Variants in SIK2 observed in about 807,000 individuals in gnomAD.
SIK2 encodes the protein serine/threonine-protein kinase SIK2.
SIK2 carries 29 observed loss-of-function variants against 103.2 expected under a neutral mutation model. The observed-to-expected ratio is 0.28, with a 90% confidence interval of 0.21 to 0.38. The LOEUF is 0.38. SIK2 is among the 10% of genes least tolerant of loss of function. The pLI is 1.00. For missense variants in SIK2, 879 were observed against 1,171.0 expected (o/e 0.75, Z 3.64); for synonymous variants, 412 against 446.1 (o/e 0.92, Z 0.96).
intron 3 of SIK2, among the ~76,000 whole-genome samples, chr11:111,640,638 ACAC>A (rs552049793): frequency 6.6e-6 from 1 of 152,106 alleles, no homozygotes; most frequent in South Asian, 2.1e-4. Flanking sequence ...AGAATTAAAA[ACAC>A]TTAGAACTAT....
chr11:111,728,923 CAA>C lies in SIK2; in HGVS notation c.*4808_*4809del, dbSNP rs753877747. ...TGGGCGACAGAGCAAGACTCCACCT[CAA>C]AAAAAAAAAAAAAGACAAGAGCAGT... On this transcript the variant is annotated 3_prime_UTR_variant, in exon 15 of 15. Transcript: ENST00000304987. The C allele has an allele frequency of 2.9e-4, 26 of 91,020 alleles. No individual in the cohort carries two copies. Among genetic ancestry groups the C allele is most frequent in the East Asian group, 3.6e-4 (1 of 2,780 alleles). 5.6% of individuals were successfully genotyped at this position (91,020 alleles called of 1,614,324 possible). A position where few individuals can be genotyped will look rare whatever the true frequency, so the allele number is the denominator to read the frequency against.
chr11:111,660,908 C>G (rs1297086111), intron 3 of SIK2, among the ~76,000 whole-genome samples: 1 of 141,900 alleles, frequency 7.0e-6, no homozygotes, highest in Non-Finnish European at 1.5e-5. Flanking sequence ...TGTAGTTTCC[C>G]AGGCTGGATT....
At chr11:111,645,833 A>C (rs529557707) in intron 3 of SIK2, among the ~76,000 whole-genome samples, 1 of 151,872 alleles carries the variant, frequency 6.6e-6, no homozygotes, top group East Asian at 1.9e-4. Context: ...AGAAGCAACT[A>C]CCATAAAATC....
chr11:111,706,321 G>A (rs969599219), intron 8 of SIK2, among the ~76,000 whole-genome samples: 4 of 152,184 alleles, frequency 2.6e-5, no homozygotes, highest in African/African-American at 9.7e-5. Context: ...CAGAGCCTGA[G>A]AAGATAGGGG....
chr11:111,695,104 C>T (rs1391029998), intron 4 of SIK2, among the ~76,000 whole-genome samples: 1 of 152,186 alleles, frequency 6.6e-6, no homozygotes, highest in East Asian at 1.9e-4. Flanking sequence ...TCATCTCTAT[C>T]ACTCTCCACC....
intron 1 of SIK2, among the ~76,000 whole-genome samples, chr11:111,615,945 A>T (rs1251592306): frequency 6.6e-6 from 1 of 152,180 alleles, no homozygotes; most frequent in Non-Finnish European, 1.5e-5. Context: ...TCAAATAAAG[A>T]TTTTATTTTT....
At chr11:111,616,160 CAT>C in intron 1 of SIK2, 81 bp from the exon 2 acceptor site, 1 of 870,566 alleles carries the variant, frequency 1.1e-6, no homozygotes, top group Non-Finnish European at 1.9e-6. Context: ...GGTGAAGTCT[CAT>C]GTCATTTATT....
At chr11:111,662,885 A>T (rs1244652527) in intron 3 of SIK2, among the ~76,000 whole-genome samples, 1 of 151,670 alleles carries the variant, frequency 6.6e-6, no homozygotes, top group African/African-American at 2.4e-5. Context: ...TCAAAAATAC[A>T]ATAAAACAAA....
intron 6 of SIK2, among the ~76,000 whole-genome samples, chr11:111,702,445 C>T (rs556376725): frequency 4.2e-4 from 64 of 152,088 alleles, no homozygotes; most frequent in African/African-American, 1.5e-3. Flanking sequence ...TTCAATTAGC[C>T]GGGTGTGGTG....
intron 4 of SIK2, among the ~76,000 whole-genome samples, chr11:111,698,282 A>G (rs1943126524): frequency 6.6e-6 from 1 of 152,210 alleles, no homozygotes; most frequent in South Asian, 2.1e-4. Flanking sequence ...AAGTGTTCCC[A>G]GCTCTTGTTC....
intron 3 of SIK2, chr11:111,671,681 G>A: frequency 2.6e-6 from 1 of 380,194 alleles, no homozygotes; most frequent in Non-Finnish European, 5.1e-6. Flanking sequence ...ATCTGGGACA[G>A]CAGCTCCTGG....
chr11:111,629,840 A>G (rs1356920249), intron 3 of SIK2, among the ~76,000 whole-genome samples: 1 of 152,216 alleles, frequency 6.6e-6, no homozygotes, highest in African/African-American at 2.4e-5. Context: ...CTGTGAAGCA[A>G]CTAGAACTCT....
At position 111,721,913 on chromosome 11, in the gene SIK2, G is replaced by A. The variant is rs766304932; in HGVS notation, c.2028G>A (p.Glu676=). ...HPQLSPRQSL[E]TQYLQHRLQK... is the part of the protein sequence containing the mutation. ...AGCTGTCCCCACGGCAGAGCCTGGA[G>A]ACCCAGTACCTGCAGCACAGACTCC... Residue 676 remains glutamate, a synonymous_variant, in exon 13 of 15, where the codon GAG becomes GAA. Transcript: ENST00000304987. The A allele has an allele frequency of 1.2e-6, 2 of 1,610,862 alleles. No homozygotes were observed. The highest frequency in any genetic ancestry group is 1.1e-5 in the South Asian group (1 of 90,764).
chr11:111,651,605 G>T (rs1179476414), intron 3 of SIK2, among the ~76,000 whole-genome samples: 1 of 152,096 alleles, frequency 6.6e-6, no homozygotes, highest in African/African-American at 2.4e-5. Flanking sequence ...GTGATGAGTC[G>T]GTAGGTGTGG....
chr11:111,712,314 C>T lies in SIK2; in HGVS notation c.1205C>T (p.Pro402Leu). Residue 402 changes from proline (P) to leucine (L), a missense_variant, in exon 9 of 15, where the codon CCA becomes CTA. This residue lies in a region of SIK2 where 222 missense variants were observed against 258.0 expected (regional missense o/e 0.86). Transcript: ENST00000304987. ...QASNVEAFSF[P>L]ASGCQAEAAF... ...TCCAACGTGGAGGCCTTTTCATTTC[C>T]AGCATCTGGCTGTCAGGCGGAAGCT... is the stretch of plus-strand genomic sequence containing the variant. 6.2e-7 allele frequency: 1 copy of T among 1,614,202 alleles called. No individual in the cohort carries two copies. The highest frequency in any genetic ancestry group is 2.2e-5 in the East Asian group (1 of 44,888).
chr11:111,667,735 T>C (rs1230174036), intron 3 of SIK2, among the ~76,000 whole-genome samples: 4 of 152,040 alleles, frequency 2.6e-5, no homozygotes, highest in African/African-American at 9.6e-5. Context: ...TCAAGTGATC[T>C]GCCCATCTTG....
At chr11:111,689,057 A>G (rs1010963015) in intron 4 of SIK2, among the ~76,000 whole-genome samples, 1 of 152,224 alleles carries the variant, frequency 6.6e-6, no homozygotes, top group African/African-American at 2.4e-5. Context: ...GAAGTTAGAG[A>G]AGCTTGTCAG....
In SIK2 at chr11:111,724,289, T is replaced by G. The variant is rs1943900816; in HGVS notation, c.*160T>G. On this transcript the variant is annotated 3_prime_UTR_variant, in exon 15 of 15. Coordinates refer to ENST00000304987, the MANE Select transcript of SIK2 (RefSeq NM_015191.3). Reference sequence around the variant, plus strand: ...CAGAGGGTCTGGCTGGGGTGGATGTTGCTTCCTCCTGGTTCTGCCCCACCA... The same window carrying G: ...CAGAGGGTCTGGCTGGGGTGGATGTGGCTTCCTCCTGGTTCTGCCCCACCA... The G allele has an allele frequency of 5.8e-6, 6 of 1,042,892 alleles. No homozygotes were observed. In the South Asian group the frequency reaches 1.0e-4, roughly 18 times the overall value. The allele number at this position is 1,042,892 out of a possible 1,614,324, so 64.6% of individuals were successfully genotyped here.
chr11:111,615,636 TCA>T (rs1941796129), intron 1 of SIK2, among the ~76,000 whole-genome samples: 1 of 152,234 alleles, frequency 6.6e-6, no homozygotes, highest in Non-Finnish European at 1.5e-5. Context: ...CAGAATGAAG[TCA>T]CAGTTTCTGA....
Sources: allele counts gnomAD v4.1 joint callset (sites outside exome capture counted in the v4.1 genomes callset), GRCh38; gene constraint gnomAD v4.1.1; regional missense constraint gnomAD v4.1.1; transcripts MANE v1.5; gene names NCBI Gene and HGNC (gene_info 2026-07-23, HGNC 2026-07-21).